PLCB1: variants seen among roughly 807,000 people sequenced by gnomAD.
PLCB1 encodes phospholipase C beta 1.
A neutral mutation model predicts 161.8 loss-of-function variants in PLCB1; 46 were observed. The observed-to-expected ratio is 0.28, with a 90% CI of 0.22 to 0.36. The LOEUF (loss-of-function observed/expected upper bound fraction) is 0.36. PLCB1 is among the 10% of genes least tolerant of loss of function. PLCB1 has a pLI of 1.00. For synonymous variants in PLCB1, 517 were observed against 503.7 expected (o/e 1.03, Z -0.35); for missense variants, 1,016 against 1,472.5 (o/e 0.69, Z 5.07).
At chr20:8,762,514 A>T (rs4816076) in intron 25 of PLCB1, among the ~76,000 whole-genome samples, 39,158 of 152,212 alleles carry the variant, frequency 0.26, 5,453 homozygotes, top group Non-Finnish European at 0.32. Context: ...AGGTTAGAAC[A>T]TCTAGAGCCT....
chr20:8,595,153 G>A (rs1303533242), intron 3 of PLCB1, among the ~76,000 whole-genome samples: 1 of 151,164 alleles, frequency 6.6e-6, no homozygotes, highest in Non-Finnish European at 1.5e-5. Context: ...ACATTGTGCA[G>A]GTTAGTTACA....
intron 31 of PLCB1, among the ~76,000 whole-genome samples, chr20:8,800,234 T>C (rs975048046): frequency 3.9e-5 from 6 of 152,212 alleles, no homozygotes; most frequent in Non-Finnish European, 7.3e-5. Flanking sequence ...CATTACAGTC[T>C]CTGTTTTCCA....
chr20:8,424,585 A>G (rs1197344475), intron 3 of PLCB1, among the ~76,000 whole-genome samples: 1 of 152,094 alleles, frequency 6.6e-6, no homozygotes, highest in Non-Finnish European at 1.5e-5. Flanking sequence ...CTTGAGATAC[A>G]TGAGTCCTCT....
At chr20:8,717,264 G>A (rs1020690917) in intron 13 of PLCB1, among the ~76,000 whole-genome samples, 3 of 152,152 alleles carry the variant, frequency 2.0e-5, no homozygotes, top group African/African-American at 7.2e-5. Context: ...GGCTCACCTG[G>A]AAGCTTCTGC....
intron 2 of PLCB1, among the ~76,000 whole-genome samples, chr20:8,323,530 C>T (rs80107865): frequency 0.012 from 1,804 of 152,190 alleles, 36 homozygotes; most frequent in African/African-American, 0.04. Flanking sequence ...TAAACTCTCT[C>T]CTTATGGCCT....
rs374519463 is a variant in PLCB1, at chr20:8,469,320, G to A, written c.246+97870G>A. On this transcript the variant is annotated intron_variant, in intron 3 of 31. Coordinates refer to ENST00000338037, the MANE Select transcript of PLCB1 (RefSeq NM_015192.4). ...AGGAGAACAAAGTATGCTTAGATAC[G>A]CTAATTTTAATGGTGTTCAATGACT... is the stretch of plus-strand genomic sequence containing the variant. Among the ~76,000 whole-genome samples, 245 of 152,208 alleles carry A rather than the reference G, an allele frequency of 1.6e-3. 11 individuals carry two copies. The South Asian group carries it at 0.048, about 30-fold the overall frequency.
intron 2 of PLCB1, among the ~76,000 whole-genome samples, chr20:8,325,103 G>A (rs1243370419): frequency 1.3e-5 from 2 of 152,172 alleles, no homozygotes; most frequent in Non-Finnish European, 2.9e-5. Context: ...GGAATAATGG[G>A]AGTTAACAGG....
chr20:8,483,679 T>C lies in PLCB1; in HGVS notation c.246+112229T>C, dbSNP rs78563963. 9.5e-3 allele frequency among the ~76,000 whole-genome samples: 1,450 copies of C among 152,294 alleles called. 25 individuals carry two copies. Among genetic ancestry groups the C allele is most frequent in the African/African-American group, 0.033 (1,382 of 41,552 alleles). On this transcript the variant is annotated intron_variant, in intron 3 of 31. Coordinates refer to ENST00000338037, the MANE Select transcript of PLCB1 (RefSeq NM_015192.4). ...GAGTTAAGGTTAGAACAATGCTGCG[T>C]AATTCTGGCCACATATATAATTAAT...
intron 3 of PLCB1, among the ~76,000 whole-genome samples, chr20:8,417,312 C>G (rs1195582793): frequency 6.6e-6 from 1 of 150,658 alleles, no homozygotes; most frequent in South Asian, 2.1e-4. Context: ...TATTTTTTGT[C>G]TCTGGTGTGT....
At chr20:8,581,338 G>T (rs575069446) in intron 3 of PLCB1, among the ~76,000 whole-genome samples, 2 of 152,104 alleles carry the variant, frequency 1.3e-5, no homozygotes, top group East Asian at 1.9e-4. Flanking sequence ...GATTAGTTCT[G>T]TCCAGTGGTT....
At chr20:8,260,197 C>G (rs1981623396) in intron 2 of PLCB1, among the ~76,000 whole-genome samples, 1 of 151,052 alleles carries the variant, frequency 6.6e-6, no homozygotes, top group Non-Finnish European at 1.5e-5. Flanking sequence ...CTTATAGCCT[C>G]AGCCTCCTTA....
chr20:8,146,648 G>A (rs923865880), intron 1 of PLCB1, among the ~76,000 whole-genome samples: 2 of 152,142 alleles, frequency 1.3e-5, no homozygotes, highest in African/African-American at 4.8e-5. Context: ...GTTGATTCCA[G>A]TGACTCTTTT....
chr20:8,552,920 CAG>C (rs1985821028), intron 3 of PLCB1, among the ~76,000 whole-genome samples: 1 of 152,080 alleles, frequency 6.6e-6, no homozygotes, highest in Non-Finnish European at 1.5e-5. Flanking sequence ...TTAATCACCT[CAG>C]GGAGTTATTG....
intron 2 of PLCB1, among the ~76,000 whole-genome samples, chr20:8,307,959 A>G (rs1984213937): frequency 1.3e-5 from 2 of 151,880 alleles, no homozygotes; most frequent in African/African-American, 4.8e-5. Context: ...AAAAACACCT[A>G]TACTTGACTT....
intron 31 of PLCB1, among the ~76,000 whole-genome samples, chr20:8,790,756 T>C (rs1260991532): frequency 6.6e-6 from 1 of 152,196 alleles, no homozygotes; most frequent in Non-Finnish European, 1.5e-5. Context: ...TAACAGTTGA[T>C]TGGGGCTCTG....
At chr20:8,571,991 T>C (rs201612199) in intron 3 of PLCB1, among the ~76,000 whole-genome samples, 1 of 152,178 alleles carries the variant, frequency 6.6e-6, no homozygotes, top group Non-Finnish European at 1.5e-5. Context: ...CTGGTAATGG[T>C]ATTTTTTTAA....
chr20:8,724,224 T>TA (rs1040695636), intron 15 of PLCB1, among the ~76,000 whole-genome samples: 5 of 150,984 alleles, frequency 3.3e-5, no homozygotes, highest in African/African-American at 9.7e-5. Flanking sequence ...AAATAAATGT[T>TA]AAAAAAAATT....
At chr20:8,480,991 G>A (rs754647322) in intron 3 of PLCB1, among the ~76,000 whole-genome samples, 4 of 152,094 alleles carry the variant, frequency 2.6e-5, no homozygotes, top group Non-Finnish European at 4.4e-5. Context: ...GTAGTCCCAC[G>A]TACTGGGGAG....
At chr20:8,649,519 C>T (rs757060101) in intron 7 of PLCB1, 70 bp downstream of exon 7, 1 of 1,075,848 alleles carries the variant, frequency 9.3e-7, no homozygotes, top group East Asian at 2.4e-5. Context: ...ACTTAATCCC[C>T]AATATGACAG....
Sources: allele counts gnomAD v4.1 joint callset (sites outside exome capture counted in the v4.1 genomes callset), GRCh38; gene constraint gnomAD v4.1.1; transcripts MANE v1.5; gene names NCBI Gene and HGNC (gene_info 2026-07-23, HGNC 2026-07-21).